MYRFL: variants seen among roughly 807,000 people sequenced by gnomAD.
MYRFL encodes the protein myelin regulatory factor like.
Under a neutral mutation model 109.4 loss-of-function variants are expected in MYRFL, and 88 were observed. The observed-to-expected ratio is 0.80, with a 90% CI of 0.68 to 0.96. The LOEUF (loss-of-function observed/expected upper bound fraction) is 0.96, where lower values mean the gene tolerates loss of function less well. Among genes scored for constraint, MYRFL ranks in the 40% least tolerant of loss-of-function variants. The pLI, the probability that MYRFL is intolerant of heterozygous loss-of-function variation, is 0.00. For missense variants in MYRFL, 957 were observed against 954.9 expected, an observed-to-expected ratio of 1.00 and a Z score of -0.03; for synonymous variants, 324 against 320.9, an observed-to-expected ratio of 1.01 and a Z score of -0.10.
intron 16 of MYRFL, among the ~76,000 whole-genome samples, chr12:69,935,190 G>GT (rs59143591): frequency 0.099 from 14,885 of 151,034 alleles, 1,000 homozygotes; most frequent in Middle Eastern, 0.18. Flanking sequence ...ATATGGCACA[G>GT]TTTTTTTTTG....
chr12:69,911,772 A>T (rs1031142415), intron 13 of MYRFL, among the ~76,000 whole-genome samples: 2 of 152,218 alleles, frequency 1.3e-5, no homozygotes, highest in Non-Finnish European at 2.9e-5. Context: ...GAGAGGAAAG[A>T]CCAATTGATA....
intron 2 of MYRFL, among the ~76,000 whole-genome samples, chr12:69,862,810 G>A (rs933560557): frequency 2.0e-5 from 3 of 152,174 alleles, no homozygotes; most frequent in Non-Finnish European, 4.4e-5. Context: ...GTGAGAGAGG[G>A]CCTCCCTGTC....
At chr12:69,889,902 T>C (rs1324656723) in intron 6 of MYRFL, among the ~76,000 whole-genome samples, 1 of 152,082 alleles carries the variant, frequency 6.6e-6, no homozygotes, top group Non-Finnish European at 1.5e-5. Flanking sequence ...TTTGGGATTT[T>C]CAGATTTGGG....
intron 19 of MYRFL, chr12:69,947,212 A>T (rs1220637839): frequency 6.6e-6 from 1 of 152,274 alleles, no homozygotes; most frequent in Non-Finnish European, 1.5e-5. Context: ...TAACAAAAAA[A>T]ACTTAGAAAA....
rs34735216 is a variant in MYRFL at position 69,956,188 on chromosome 12, TAAA to T, written c.2450+764_2450+766del. On this transcript the variant is annotated intron_variant, in intron 22 of 24. Coordinates refer to ENST00000552032, the MANE Select transcript of MYRFL (RefSeq NM_182530.3). ...CTTGGGTTTAGAGTTTCAGGACACA[TAAA>T]AAAAAAAAAAAACACATTCTGAAAA... Among the ~76,000 whole-genome samples the T allele has an allele frequency of 1.4e-3, 203 of 142,234 alleles. 1 individual carries two copies. Among genetic ancestry groups the T allele is most frequent in the Middle Eastern group, 3.7e-3 (1 of 272 alleles). The allele number at this position is 142,234 out of a possible 152,430, so 93.3% of individuals were successfully genotyped here.
At chr12:69,845,791 C>CG (rs1883493449) in intron 1 of MYRFL, among the ~76,000 whole-genome samples, 1 of 62,782 alleles carries the variant, frequency 1.6e-5, no homozygotes, top group African/African-American at 7.2e-5. Flanking sequence ...TTGGGAAAAG[C>CG]GAAAAAAAAA....
chr12:69,903,172 A>C (rs1954243909), intron 10 of MYRFL, among the ~76,000 whole-genome samples: 1 of 152,248 alleles, frequency 6.6e-6, no homozygotes, highest in Admixed American at 6.5e-5. Flanking sequence ...CTTGTGTATG[A>C]AATCATAAAT....
intron 13 of MYRFL, among the ~76,000 whole-genome samples, chr12:69,919,398 C>T (rs1303725551): frequency 1.3e-5 from 2 of 152,152 alleles, no homozygotes; most frequent in African/African-American, 2.4e-5. Context: ...CAAAGGGCAA[C>T]AATATTGCAC....
chr12:69,952,284 G>T, intron 20 of MYRFL, 109 bp downstream of exon 20: 1 of 931,328 alleles, frequency 1.1e-6, no homozygotes, highest in Non-Finnish European at 1.7e-6. Context: ...GCTGCAGCCT[G>T]CCTGCCACGC....
intron 16 of MYRFL, among the ~76,000 whole-genome samples, chr12:69,932,885 G>GTGTT (rs1555257509): frequency 2.8e-5 from 4 of 140,396 alleles, no homozygotes; most frequent in Admixed American, 7.1e-5. Context: ...GTGTGTGTTT[G>GTGTT]TGTGTGTGTG....
In MYRFL at chr12:69,871,161, C is replaced by T. The variant is rs184524482; in HGVS notation, c.138-7867C>T. On this transcript the variant is annotated intron_variant, in intron 2 of 24. Coordinates refer to ENST00000552032, the MANE Select transcript of MYRFL (RefSeq NM_182530.3). ...TATAATAGGAGATTACCAGCAATCC[C>T]CCTGCTCTACCCCTGTCTTTAAATT... Among the ~76,000 whole-genome samples the T allele has an allele frequency of 1.1e-3, 168 of 152,104 alleles. 1 individual carries two copies. The highest frequency in any genetic ancestry group is 2.1e-3 in the South Asian group (10 of 4,816).
intron 13 of MYRFL, among the ~76,000 whole-genome samples, chr12:69,911,237 AAAC>A (rs1954558836): frequency 6.6e-6 from 1 of 152,250 alleles, no homozygotes; most frequent in Non-Finnish European, 1.5e-5. Flanking sequence ...AACAAGGGCC[AAAC>A]ATCATGATAA....
At chr12:69,853,057 A>G (rs1883985898) in intron 1 of MYRFL, among the ~76,000 whole-genome samples, 1 of 152,230 alleles carries the variant, frequency 6.6e-6, no homozygotes, top group African/African-American at 2.4e-5. Context: ...CTGTTCGACA[A>G]AACCACCATC....
intron 2 of MYRFL, among the ~76,000 whole-genome samples, chr12:69,855,671 A>G (rs1478904819): frequency 6.6e-6 from 1 of 152,184 alleles, no homozygotes; most frequent in East Asian, 1.9e-4. Context: ...TGTCCATTTC[A>G]ACTAAGTTGT....
chr12:69,958,000 C>T (rs1956132416), intron 23 of MYRFL, 58 bp downstream of exon 23: 4 of 1,496,690 alleles, frequency 2.7e-6, no homozygotes, highest in Admixed American at 2.1e-5. Flanking sequence ...GAGCAAATTG[C>T]CAGTGTTTTC....
chr12:69,913,349 A>G (rs929092544), intron 13 of MYRFL, among the ~76,000 whole-genome samples: 2 of 152,182 alleles, frequency 1.3e-5, no homozygotes, highest in African/African-American at 2.4e-5. Context: ...GCCTATGCCA[A>G]TGGTGTTCTA....
chr12:69,846,106 CTTTTTTTTTTTTTTTTT>C (rs60251292), intron 1 of MYRFL, among the ~76,000 whole-genome samples: 2 of 61,732 alleles, frequency 3.2e-5, no homozygotes, highest in African/African-American at 6.9e-5. Context: ...TATTGACTAT[CTTTTTTTTTTTTTTTTT>C]TTTTTTTTTT....
rs1223831131 is a variant in MYRFL, at chr12:69,958,328, G to A, written c.2646+5G>A. On this transcript the variant is annotated splice_donor_5th_base_variant and intron_variant, in intron 24 of 24. Transcript: ENST00000552032. ...CATTTCCGTGTAGCTGCACCGGTAA[G>A]CTTGCTTTTTCTTTTTCTTTTCAGT... is the stretch of plus-strand genomic sequence containing the variant. 4 of 1,535,048 alleles carry A rather than the reference G, an allele frequency of 2.6e-6. No individual in the cohort carries two copies. The highest frequency in any genetic ancestry group is 2.6e-6 in the Non-Finnish European group (3 of 1,146,646).
At chr12:69,936,073 A>G in intron 16 of MYRFL, 40 bp from the exon 17 acceptor site, 1 of 1,481,044 alleles carries the variant, frequency 6.8e-7, no homozygotes, top group Non-Finnish European at 8.9e-7. Flanking sequence ...AATCTGCCAC[A>G]TAATGTTTTT....
Sources: allele counts gnomAD v4.1 joint callset (sites outside exome capture counted in the v4.1 genomes callset), GRCh38; gene constraint gnomAD v4.1.1; transcripts MANE v1.5; gene names NCBI Gene and HGNC (gene_info 2026-07-23, HGNC 2026-07-21).